The following PIK3R6 variants were observed in gnomAD, a reference collection of about 807,000 sequenced individuals.
PIK3R6 encodes phosphoinositide 3-kinase regulatory subunit 6.
In PIK3R6, 91 loss-of-function variants were observed where a neutral mutation model predicts 84.9. The observed-to-expected ratio is 1.07, with a 90% confidence interval of 0.90 to 1.28. The LOEUF is 1.28. Among genes scored for constraint, PIK3R6 ranks in the 50% most tolerant of loss-of-function variants. PIK3R6 has a pLI of 0.00. For synonymous variants in PIK3R6, 416 were observed against 411.4 expected (o/e 1.01, Z -0.13); for missense variants, 996 against 985.1 (o/e 1.01, Z -0.15).
chr17:8,849,079 G>A (rs547448561), intron 2 of PIK3R6, among the ~76,000 whole-genome samples: 7 of 118,958 alleles, frequency 5.9e-5, no homozygotes, highest in African/African-American at 2.5e-4. Context: ...TAGGGTAAGA[G>A]TCCAGGCTTT....
Position 8,842,059 on chromosome 17 carries a change from T to A in PIK3R6, c.14-2362A>T, listed in dbSNP as rs1196840738. ...CTCTCTCTTGCTTCATCTCTCAGCATGTGATCTGTACACACTGGCTCCCCT... is the reference window on the plus strand; with the variant it reads ...CTCTCTCTTGCTTCATCTCTCAGCAAGTGATCTGTACACACTGGCTCCCCT... On this transcript the variant is annotated intron_variant, in intron 2 of 19. Transcript: ENST00000619866. The surrounding 1 kb of genome is among the most constrained non-coding windows in gnomAD (Gnocchi z 4.5). Among the ~76,000 whole-genome samples, 1 of 152,130 alleles carries A rather than the reference T, an allele frequency of 6.6e-6. No homozygotes were observed. The highest frequency in any genetic ancestry group is 1.5e-5 in the Non-Finnish European group (1 of 68,026).
At position 8,818,732 on chromosome 17, in the gene PIK3R6, A is replaced by C. The variant is rs189594828; in HGVS notation, c.1995+351T>G. Among the ~76,000 whole-genome samples the C allele has an allele frequency of 2.0e-4, 31 of 152,318 alleles. No individual in the cohort carries two copies. In the East Asian group the frequency reaches 5.0e-3, roughly 25 times the overall value. ...GAGAGAGCTGGTCTGATTTGGCCACAGATTGGGCTGTTGTTGTTTAGGAGT... is the reference window on the plus strand; with the variant it reads ...GAGAGAGCTGGTCTGATTTGGCCACCGATTGGGCTGTTGTTGTTTAGGAGT... On this transcript the variant is annotated intron_variant, in intron 18 of 19. Coordinates refer to ENST00000619866, the MANE Select transcript of PIK3R6 (RefSeq NM_001010855.4).
intron 18 of PIK3R6, among the ~76,000 whole-genome samples, chr17:8,813,484 T>C (rs80106622): frequency 0.043 from 6,499 of 152,192 alleles, 225 homozygotes; most frequent in Non-Finnish European, 0.068. Context: ...ATATGCCTGA[T>C]GAACATAGAT....
In PIK3R6 at chr17:8,838,682, C is replaced by T. The variant is rs768750437; in HGVS notation, c.98-27G>A. 3 of 1,563,236 alleles carry T rather than the reference C, an allele frequency of 1.9e-6. No individual in the cohort carries two copies. The Admixed American group carries it at 5.7e-5, about 30-fold the overall frequency. On this transcript the variant is annotated intron_variant, in intron 3 of 19. Coordinates refer to ENST00000619866, the MANE Select transcript of PIK3R6 (RefSeq NM_001010855.4). ...TGGGCCAGGAGAAAGGGGAGCCCGGCATGAGCAGGTGGGCAGTTCTTAGAG... is the reference window on the plus strand; with the variant it reads ...TGGGCCAGGAGAAAGGGGAGCCCGGTATGAGCAGGTGGGCAGTTCTTAGAG...
chr17:8,846,546 T>C (rs1012284221), intron 2 of PIK3R6, among the ~76,000 whole-genome samples: 2 of 152,192 alleles, frequency 1.3e-5, no homozygotes, highest in Non-Finnish European at 2.9e-5. Context: ...GCAGATTGCT[T>C]TGGGCGGTAT....
rs1175399663 is a variant in PIK3R6, at chr17:8,828,706, C to A, written c.1174G>T (p.Gly392Trp). Residue 392 changes from glycine to tryptophan, a missense_variant, in exon 11 of 20, where the codon GGG becomes TGG. Coordinates refer to ENST00000619866, the MANE Select transcript of PIK3R6 (RefSeq NM_001010855.4). Reference sequence around the variant, plus strand: ...GGCCGGCCTGTCCTCCGGTGCAGCCCTGGGGGCCCGTCCCAGCTGCCAGGC... The same window carrying A: ...GGCCGGCCTGTCCTCCGGTGCAGCCATGGGGGCCCGTCCCAGCTGCCAGGC... ...LMPGSWDGPP[G>W]LHRRTGRPSG... The A allele has an allele frequency of 6.2e-7, 1 of 1,610,642 alleles. No individual in the cohort carries two copies. The highest frequency in any genetic ancestry group is 1.7e-5 in the Admixed American group (1 of 59,668).
In PIK3R6 at chr17:8,803,115, T is replaced by TC; in HGVS notation, c.*157dup. 3.5e-6 allele frequency: 3 copies of TC among 868,666 alleles called. No homozygotes were observed. The highest frequency in any genetic ancestry group is 5.2e-6 in the Non-Finnish European group (3 of 572,094). 53.8% of individuals were successfully genotyped at this position (868,666 alleles called of 1,614,324 possible). ...CCATGTGGGCCCTTCCTCATCACAG[T>TC]CCCCAGGGTAGGCTCCCTGTGCTCC... On this transcript the variant is annotated 3_prime_UTR_variant, in exon 20 of 20. Coordinates refer to ENST00000619866, the MANE Select transcript of PIK3R6 (RefSeq NM_001010855.4). This position sits in a 1 kb window ranked among gnomAD's most constrained non-coding sequence, Gnocchi z 5.0.
At chr17:8,864,557 T>A (rs985301419) in intron 1 of PIK3R6, among the ~76,000 whole-genome samples, 4 of 127,144 alleles carry the variant, frequency 3.1e-5, no homozygotes, top group Non-Finnish European at 6.4e-5. Flanking sequence ...TTTTTTTTTT[T>A]AGACAGAGTC....
intron 18 of PIK3R6, among the ~76,000 whole-genome samples, chr17:8,808,474 T>C (rs779562139): frequency 6.6e-6 from 1 of 152,210 alleles, no homozygotes. Context: ...GTCACAGAGA[T>C]ATTAACTTGC....
Position 8,803,554 on chromosome 17 carries a change from T to C in PIK3R6, c.2109-125A>G. On this transcript the variant is annotated intron_variant, in intron 19 of 19. Coordinates refer to ENST00000619866, the MANE Select transcript of PIK3R6 (RefSeq NM_001010855.4). This position sits in a 1 kb window ranked among gnomAD's most constrained non-coding sequence, Gnocchi z 5.0. ...TATTGTAGGGCATAGAGGAGGCGGCTACACAGAAGAAAGAGGAAGAGTCAG... is the reference window on the plus strand; with the variant it reads ...TATTGTAGGGCATAGAGGAGGCGGCCACACAGAAGAAAGAGGAAGAGTCAG... The C allele has an allele frequency of 3.1e-6, 3 of 963,746 alleles. No individual in the cohort carries two copies. The highest frequency in any genetic ancestry group is 4.5e-6 in the Non-Finnish European group (3 of 671,598). 59.7% of individuals were successfully genotyped at this position (963,746 alleles called of 1,614,324 possible).
At chr17:8,859,937 T>C (rs1173481324) in intron 1 of PIK3R6, among the ~76,000 whole-genome samples, 1 of 152,116 alleles carries the variant, frequency 6.6e-6, no homozygotes, top group Non-Finnish European at 1.5e-5. Context: ...TCCCAGTCTC[T>C]CTCTCTATCC....
intron 2 of PIK3R6, among the ~76,000 whole-genome samples, chr17:8,847,374 A>T (rs2088837113): frequency 6.6e-6 from 1 of 152,212 alleles, no homozygotes; most frequent in South Asian, 2.1e-4. Flanking sequence ...ATGGCAAAAT[A>T]ACAATAGCCT....
chr17:8,821,868 G>A lies in PIK3R6; in HGVS notation c.1857C>T (p.Ala619=), dbSNP rs1405147444. The change falls in exon 17 of 20, where the codon GCC becomes GCT. Residue 619 remains alanine, a synonymous_variant. Coordinates refer to ENST00000619866, the MANE Select transcript of PIK3R6 (RefSeq NM_001010855.4). The stretch of plus-strand genomic sequence containing the variant: ...CACCTTCTGTGTCGCTGGCTGGAAT[G>A]GCCTTCAGGATCAGCCCAGTGGCCC... ...SLRATGLILK[A]IPASDTEVSG... 2 of 1,597,054 alleles carry A rather than the reference G, an allele frequency of 1.3e-6. No homozygotes were observed. The highest frequency in any genetic ancestry group is 1.7e-6 in the Non-Finnish European group (2 of 1,171,654).
chr17:8,847,178 G>C (rs1470994588), intron 2 of PIK3R6, among the ~76,000 whole-genome samples: 1 of 152,162 alleles, frequency 6.6e-6, no homozygotes, highest in Non-Finnish European at 1.5e-5. Context: ...CTGTTTGATA[G>C]ATTCCAGGTC....
At chr17:8,823,751 G>A (rs1255401890) in intron 13 of PIK3R6, among the ~76,000 whole-genome samples, 3 of 152,208 alleles carry the variant, frequency 2.0e-5, no homozygotes, top group Non-Finnish European at 4.4e-5. Flanking sequence ...TGCTATGTGT[G>A]AGGCACTGTG....
intron 14 of PIK3R6, 36 bp downstream of exon 14, chr17:8,823,351 C>T: frequency 5.5e-6 from 8 of 1,462,534 alleles, no homozygotes; most frequent in Non-Finnish European, 7.6e-6. Context: ...TCGGTGGGGT[C>T]CTGGGGTCCC....
At chr17:8,815,802 GA>G (rs2087515243) in intron 18 of PIK3R6, among the ~76,000 whole-genome samples, 1 of 152,146 alleles carries the variant, frequency 6.6e-6, no homozygotes, top group Non-Finnish European at 1.5e-5. Flanking sequence ...GAAGACCACA[GA>G]AAAAAGCCCG....
At chr17:8,823,363 T>G (rs2087805551) in intron 14 of PIK3R6, 24 bp downstream of exon 14, 1 of 1,530,130 alleles carries the variant, frequency 6.5e-7, no homozygotes, top group African/African-American at 1.4e-5. Flanking sequence ...TGGGGTCCCT[T>G]GGAGCCTCCA....
chr17:8,835,546 C>A (rs887153060), intron 7 of PIK3R6, 90 bp from the exon 8 acceptor site: 11 of 1,109,410 alleles, frequency 9.9e-6, no homozygotes, highest in Non-Finnish European at 1.4e-5. Flanking sequence ...CTGTGCAGCA[C>A]CTCCAAGTAA....
Sources: gnomAD v4.1 joint callset for allele counts (sites outside exome capture counted in the v4.1 genomes callset) on GRCh38, gnomAD v4.1.1 for gene constraint, Gnocchi (gnomAD v3.1) non-coding constraint, MANE v1.5 for transcripts, NCBI Gene and HGNC (gene_info 2026-07-23, HGNC 2026-07-21) for gene names.